Variants in UNC13C observed in about 807,000 individuals in gnomAD.
The protein encoded by UNC13C is unc-13 homolog C, also known as protein unc-13 homolog C.
Under a neutral mutation model 245.4 loss-of-function variants are expected in UNC13C, and 174 were observed. The ratio of observed to expected loss-of-function variants is 0.71; its 90% CI spans 0.63 to 0.80. UNC13C has a LOEUF of 0.80. Ranked by LOEUF, UNC13C falls within the 30% of genes least tolerant of loss-of-function variation. UNC13C has a pLI of 0.00. For missense variants in UNC13C, 2,829 were observed against 2,602.9 expected (o/e 1.09, Z -1.89); for synonymous variants, 992 against 895.1 (o/e 1.11, Z -1.93).
chr15:53,956,785 A>G, the UNC13C span, among the ~76,000 whole-genome samples: 1 of 151,754 alleles, frequency 6.6e-6, no homozygotes, highest in Non-Finnish European at 1.5e-5. Context: ...AATAGAACGG[A>G]GAGAAGGATT....
At chr15:54,570,872 A>G (rs537961239) in intron 30 of UNC13C, among the ~76,000 whole-genome samples, 9 of 152,364 alleles carry the variant, frequency 5.9e-5, no homozygotes, top group African/African-American at 2.2e-4. Flanking sequence ...GCCAAAGGAA[A>G]CTCAGCTTCC....
At chr15:54,239,627 T>G (rs1432188319) in intron 7 of UNC13C, among the ~76,000 whole-genome samples, 1 of 152,108 alleles carries the variant, frequency 6.6e-6, no homozygotes, top group Non-Finnish European at 1.5e-5. Flanking sequence ...ATATTTCCTT[T>G]TTTTTTTAGA....
intron 4 of UNC13C, among the ~76,000 whole-genome samples, chr15:54,203,787 G>C (rs534832035): frequency 9.2e-6 from 1 of 108,492 alleles, no homozygotes; most frequent in Admixed American, 9.1e-5. Flanking sequence ...CACACATATA[G>C]ATATACACAT....
chr15:54,585,472 C>A (rs916082690), intron 30 of UNC13C, among the ~76,000 whole-genome samples: 4 of 152,166 alleles, frequency 2.6e-5, no homozygotes, highest in Non-Finnish European at 5.9e-5. Flanking sequence ...AGTCAAATAA[C>A]CCTCTTTTCT....
chr15:54,242,497 T>C (rs1183476052), intron 7 of UNC13C, among the ~76,000 whole-genome samples: 2 of 152,150 alleles, frequency 1.3e-5, no homozygotes, highest in African/African-American at 4.8e-5. Context: ...TTATTATTTA[T>C]GTGTATTTTC....
the UNC13C span, among the ~76,000 whole-genome samples, chr15:53,906,845 G>GC: frequency 6.6e-6 from 1 of 152,182 alleles, no homozygotes; most frequent in Non-Finnish European, 1.5e-5. Context: ...CGAAGGGGAA[G>GC]CAAGGACCTT....
At chr15:54,322,621 A>G (rs1329835507) in intron 14 of UNC13C, among the ~76,000 whole-genome samples, 1 of 152,030 alleles carries the variant, frequency 6.6e-6, no homozygotes. Flanking sequence ...GACATATGCA[A>G]AGGCATCAAG....
the UNC13C span, among the ~76,000 whole-genome samples, chr15:53,876,042 C>T: frequency 2.6e-5 from 4 of 152,116 alleles, no homozygotes; most frequent in African/African-American, 9.7e-5. Flanking sequence ...GGTTTTGTTC[C>T]CACGTAATGA....
intron 2 of UNC13C, among the ~76,000 whole-genome samples, chr15:54,141,454 G>T (rs569958904): frequency 1.3e-5 from 2 of 151,728 alleles, no homozygotes; most frequent in African/African-American, 4.8e-5. Context: ...CACATAAATT[G>T]CTGACTGTAA....
chr15:54,341,868 C>G (rs1370124607), intron 17 of UNC13C, among the ~76,000 whole-genome samples: 2 of 151,430 alleles, frequency 1.3e-5, no homozygotes, highest in African/African-American at 4.9e-5. Context: ...CCCAACTACT[C>G]AGGAGGCTGA....
intron 2 of UNC13C, among the ~76,000 whole-genome samples, chr15:54,060,549 A>T (rs1015703440): frequency 2.0e-5 from 3 of 152,234 alleles, no homozygotes; most frequent in Non-Finnish European, 4.4e-5. Context: ...CCATTGTGGA[A>T]GTCGGTGTGG....
intron 17 of UNC13C, among the ~76,000 whole-genome samples, chr15:54,375,037 A>G (rs2039575929): frequency 1.3e-5 from 2 of 152,248 alleles, no homozygotes; most frequent in Non-Finnish European, 2.9e-5. Flanking sequence ...AGGTATGGCT[A>G]TGGTAAACCA....
At chr15:54,552,442 AC>A (rs1896792824) in intron 28 of UNC13C, among the ~76,000 whole-genome samples, 1 of 2,054 alleles carries the variant, frequency 4.9e-4, no homozygotes, top group Non-Finnish European at 7.0e-4. Flanking sequence ...ATTATATATT[AC>A]AATATATAAT....
intron 1 of UNC13C, among the ~76,000 whole-genome samples, chr15:53,984,460 A>G (rs1024365674): frequency 2.0e-5 from 3 of 152,158 alleles, no homozygotes; most frequent in Non-Finnish European, 2.9e-5. Context: ...AGCCTTAGCT[A>G]GAGAATAAAT....
intron 18 of UNC13C, among the ~76,000 whole-genome samples, 161 bp downstream of exon 18, chr15:54,393,342 G>T (rs2040003341): frequency 6.6e-6 from 1 of 151,792 alleles, no homozygotes; most frequent in African/African-American, 2.4e-5. Flanking sequence ...TCAATTAAAT[G>T]ATATTATGAA....
chr15:54,108,115 C>G (rs1450042990), intron 2 of UNC13C, among the ~76,000 whole-genome samples: 1 of 152,160 alleles, frequency 6.6e-6, no homozygotes, highest in Non-Finnish European at 1.5e-5. Flanking sequence ...TGCTTTGGAT[C>G]TGTAGACAGC....
intron 4 of UNC13C, among the ~76,000 whole-genome samples, chr15:54,153,491 T>C (rs1424292134): frequency 6.6e-6 from 1 of 152,032 alleles, no homozygotes; most frequent in African/African-American, 2.4e-5. Context: ...TAAGCAAATA[T>C]CAAGATCAGT....
chr15:54,296,934 G>A (rs758962092), intron 11 of UNC13C, among the ~76,000 whole-genome samples: 3 of 152,114 alleles, frequency 2.0e-5, no homozygotes, highest in Admixed American at 6.5e-5. Flanking sequence ...ACGTACGCAC[G>A]CACATTTTAT....
At chr15:54,105,296 A>G (rs12917372) in intron 2 of UNC13C, among the ~76,000 whole-genome samples, 32,456 of 152,040 alleles carry the variant, frequency 0.21, 4,253 homozygotes, top group East Asian at 0.28. Flanking sequence ...GGGGGGTCTC[A>G]GCAGTGTTTT....
Sources: gnomAD v4.1 joint callset for allele counts (sites outside exome capture counted in the v4.1 genomes callset) on GRCh38, gnomAD v4.1.1 for gene constraint, MANE v1.5 for transcripts, NCBI Gene and HGNC (gene_info 2026-07-23, HGNC 2026-07-21) for gene names.